Variants in PDE1A observed in about 807,000 individuals in gnomAD.
The protein encoded by PDE1A is dual specificity calcium/calmodulin-dependent 3',5'-cyclic nucleotide phosphodiesterase 1A.
In PDE1A, 35 loss-of-function variants were observed where a neutral mutation model predicts 61.7. The ratio of observed to expected loss-of-function variants is 0.57; its 90% CI spans 0.43 to 0.75. The LOEUF (loss-of-function observed/expected upper bound fraction) is 0.75, where lower values mean the gene tolerates loss of function less well. PDE1A is among the 30% of genes least tolerant of loss of function. The pLI, the probability that PDE1A is intolerant of heterozygous loss-of-function variation, is 0.00. For synonymous variants in PDE1A, 232 were observed against 213.2 expected, an observed-to-expected ratio of 1.09 and a Z score of -0.77; for missense variants, 597 against 630.6, an observed-to-expected ratio of 0.95 and a Z score of 0.57.
At chr2:182,510,587 A>G (rs765835043) in intron 2 of PDE1A, among the ~76,000 whole-genome samples, 2 of 152,342 alleles carry the variant, frequency 1.3e-5, no homozygotes, top group South Asian at 2.1e-4. Context: ...GCAATTACCT[A>G]GAAGTCAAGT....
At chr2:182,660,228 T>C in the PDE1A span, among the ~76,000 whole-genome samples, 1 of 152,176 alleles carries the variant, frequency 6.6e-6, no homozygotes, top group African/African-American at 2.4e-5. Flanking sequence ...ATTTGGCAGC[T>C]TAAGGTATAT....
chr2:182,349,138 A>C (rs144552249), intron 1 of PDE1A, among the ~76,000 whole-genome samples: 39 of 152,332 alleles, frequency 2.6e-4, no homozygotes, highest in African/African-American at 8.9e-4. Flanking sequence ...ATTTAGTTAG[A>C]AAGCTCTTTG....
At chr2:182,561,964 A>T in the PDE1A span, among the ~76,000 whole-genome samples, 1 of 151,944 alleles carries the variant, frequency 6.6e-6, no homozygotes. Flanking sequence ...GGGCTGAGAC[A>T]ATGGTGTTTT....
At chr2:182,219,537 AG>A (rs1688542738) in intron 7 of PDE1A, among the ~76,000 whole-genome samples, 1 of 152,114 alleles carries the variant, frequency 6.6e-6, no homozygotes, top group African/African-American at 2.4e-5. Flanking sequence ...CAACAAATAT[AG>A]CAAAAAAGAA....
At chr2:182,273,027 T>C (rs372577862) in intron 1 of PDE1A, among the ~76,000 whole-genome samples, 6 of 152,116 alleles carry the variant, frequency 3.9e-5, no homozygotes, top group African/African-American at 1.4e-4. Flanking sequence ...TCTATTATCA[T>C]TGTGGATGTC....
chr2:182,457,217 G>A (rs184887343), intron 2 of PDE1A, among the ~76,000 whole-genome samples: 68 of 152,042 alleles, frequency 4.5e-4, no homozygotes, highest in African/African-American at 1.3e-3. Context: ...TGCCCTGCTG[G>A]ATTCTTTTTG....
At chr2:182,186,776 C>G (rs958794190) in intron 11 of PDE1A, among the ~76,000 whole-genome samples, 188 bp from the exon 12 acceptor site, 5 of 152,142 alleles carry the variant, frequency 3.3e-5, no homozygotes, top group Admixed American at 6.5e-5. Context: ...TTTAACTGCT[C>G]TATAAAATAA....
At chr2:182,177,818 A>T (rs1234116541) in intron 13 of PDE1A, among the ~76,000 whole-genome samples, 1 of 152,140 alleles carries the variant, frequency 6.6e-6, no homozygotes, top group Non-Finnish European at 1.5e-5. Flanking sequence ...ACCTCAATGG[A>T]TATAAAATTA....
At chr2:182,415,091 T>C (rs115244756) in intron 1 of PDE1A, among the ~76,000 whole-genome samples, 1 of 152,090 alleles carries the variant, frequency 6.6e-6, no homozygotes, top group South Asian at 2.1e-4. Context: ...AGAAGCATTT[T>C]AAAAAAAATT....
intron 2 of PDE1A, among the ~76,000 whole-genome samples, chr2:182,509,215 A>G (rs1333132982): frequency 6.6e-6 from 1 of 152,214 alleles, no homozygotes; most frequent in African/African-American, 2.4e-5. Context: ...AGGAGGTAAA[A>G]GAGTTTAGAA....
At chr2:182,467,092 GA>G (rs1421324442) in intron 2 of PDE1A, among the ~76,000 whole-genome samples, 2 of 148,716 alleles carry the variant, frequency 1.3e-5, no homozygotes, top group African/African-American at 4.9e-5. Flanking sequence ...TAAAGGAAAA[GA>G]AAAGATGGAA....
the PDE1A span, among the ~76,000 whole-genome samples, chr2:182,571,657 A>G: frequency 6.6e-6 from 1 of 151,968 alleles, no homozygotes; most frequent in South Asian, 2.1e-4. Flanking sequence ...ATTAAACAAT[A>G]AGTTTATATT....
At chr2:182,326,875 G>A in intron 1 of PDE1A, among the ~76,000 whole-genome samples, 1 of 152,252 alleles carries the variant, frequency 6.6e-6, no homozygotes, top group South Asian at 2.1e-4. Context: ...TGGTGATTCA[G>A]TCTTTCAATT....
At chr2:182,639,900 ATATAT>A in the PDE1A span, among the ~76,000 whole-genome samples, 1 of 149,734 alleles carries the variant, frequency 6.7e-6, no homozygotes, top group Non-Finnish European at 1.5e-5. Flanking sequence ...TAGATAATCT[ATATAT>A]TATAATAAAA....
intron 2 of PDE1A, among the ~76,000 whole-genome samples, chr2:182,492,995 A>ATT (rs1491310446): frequency 6.8e-6 from 1 of 147,392 alleles, no homozygotes; most frequent in Non-Finnish European, 1.5e-5. Context: ...AAAAAAAAAA[A>ATT]GGGCAGGGAC....
upstream of PDE1A, among the ~76,000 whole-genome samples, chr2:182,429,804 C>T (rs1703837675): frequency 6.6e-6 from 1 of 152,108 alleles, no homozygotes; most frequent in Non-Finnish European, 1.5e-5. Context: ...TTGTTATAGT[C>T]TGGCTGTGTT....
the PDE1A span, among the ~76,000 whole-genome samples, chr2:182,679,864 T>A: frequency 6.6e-6 from 1 of 151,908 alleles, no homozygotes; most frequent in Non-Finnish European, 1.5e-5. Flanking sequence ...GAAGTCAAAA[T>A]AGAACAGGAA....
At chr2:182,482,408 G>T (rs760086686) in intron 2 of PDE1A, among the ~76,000 whole-genome samples, 3 of 151,446 alleles carry the variant, frequency 2.0e-5, no homozygotes, top group Non-Finnish European at 4.4e-5. Context: ...TTTTTCATTT[G>T]TCAAAAAAAG....
chr2:182,343,349 T>C (rs913245929), intron 1 of PDE1A, among the ~76,000 whole-genome samples: 1 of 152,212 alleles, frequency 6.6e-6, no homozygotes, highest in Non-Finnish European at 1.5e-5. Context: ...ATTTAATAGA[T>C]ATACAGCACT....
Sources: gnomAD v4.1 joint callset for allele counts (sites outside exome capture counted in the v4.1 genomes callset) on GRCh38, gnomAD v4.1.1 for gene constraint, MANE v1.5 for transcripts, NCBI Gene and HGNC (gene_info 2026-07-23, HGNC 2026-07-21) for gene names.